CASP6: variants seen among roughly 807,000 people sequenced by gnomAD.
The protein encoded by CASP6 is caspase-6.
CASP6 carries 20 observed loss-of-function variants against 31.8 expected under a neutral mutation model. The observed-to-expected ratio is 0.63, with a 90% CI of 0.44 to 0.91. CASP6 has a LOEUF of 0.91. CASP6 is among the 40% of genes least tolerant of loss of function. The pLI is 0.00. For synonymous variants in CASP6, 130 were observed against 127.8 expected, an observed-to-expected ratio of 1.02 and a Z score of -0.12; for missense variants, 328 against 361.1, an observed-to-expected ratio of 0.91 and a Z score of 0.74.
chr4:109,697,792 A>T, intron 2 of CASP6, 24 bp from the exon 3 acceptor site: 3 of 1,610,764 alleles, frequency 1.9e-6, no homozygotes, highest in Non-Finnish European at 1.7e-6. Flanking sequence ...GTTGAAAAAC[A>T]ATCACTTCAA....
chr4:109,690,869 CAT>C lies in CASP6; in HGVS notation c.622_623del (p.Met208ValfsTer26). The C allele has an allele frequency of 1.2e-6, 2 of 1,611,710 alleles. No individual in the cohort carries two copies. Among genetic ancestry groups the C allele is most frequent in the Non-Finnish European group, 1.7e-6 (2 of 1,178,968 alleles). Reference sequence around the variant, plus strand: ...ACACACCTTCTGCAACAGAGTAACACATGAGGAAGTCAGCTCCAGCAGGCAGC... The same window carrying C: ...ACACACCTTCTGCAACAGAGTAACACGAGGAAGTCAGCTCCAGCAGGCAGC... ...YTLPAGADFL[M>X]CYSVAEGYYS... On this transcript the variant is annotated frameshift_variant, in exon 6 of 7. Coordinates refer to ENST00000265164, the MANE Select transcript of CASP6 (RefSeq NM_001226.4). LOFTEE classifies it high-confidence loss of function.
downstream of CASP6, among the ~76,000 whole-genome samples, chr4:109,686,289 C>T (rs1489483539): frequency 1.3e-5 from 2 of 152,076 alleles, no homozygotes; most frequent in Non-Finnish European, 2.9e-5. Context: ...TAGGCGCCCG[C>T]CACCACACCT....
chr4:109,677,914 A>G, the CASP6 span, among the ~76,000 whole-genome samples: 2 of 149,176 alleles, frequency 1.3e-5, no homozygotes, highest in African/African-American at 5.0e-5. Context: ...AGGTCAGCAG[A>G]TAAACACGTG....
At position 109,703,373 on chromosome 4, in the gene CASP6, C is replaced by A; in HGVS notation, c.23G>T (p.Arg8Leu). 6.2e-7 allele frequency: 1 copy of A among 1,611,160 alleles called. No individual in the cohort carries two copies. Among genetic ancestry groups the A allele is most frequent in the Non-Finnish European group, 8.5e-7 (1 of 1,179,022 alleles). MSSASGLRRGHPAGGEEN... is the reference protein window; with the variant it reads MSSASGLLRGHPAGGEEN... ...CTGCCTACCTGCCGGGTGCCCCCTG[C>A]GGAGCCCCGAGGCCGAGCTCATTGC... is the stretch of plus-strand genomic sequence containing the variant. The change falls in exon 1 of 7, where the codon CGC (arginine) becomes CTC (leucine). Residue 8 changes from arginine (R) to leucine (L), a missense_variant. Transcript: ENST00000265164.
downstream of CASP6, among the ~76,000 whole-genome samples, chr4:109,684,055 TTCC>T (rs1031688508): frequency 4.0e-5 from 6 of 149,608 alleles, no homozygotes; most frequent in Non-Finnish European, 7.4e-5. Flanking sequence ...TGTTCAAGAG[TTCC>T]TCTTTTCTTT....
the CASP6 span, among the ~76,000 whole-genome samples, chr4:109,677,123 A>G: frequency 6.6e-6 from 1 of 152,240 alleles, no homozygotes; most frequent in African/African-American, 2.4e-5. Context: ...TATGAATTCA[A>G]AGATTGTTCT....
chr4:109,702,473 C>T (rs1730451217), intron 1 of CASP6, among the ~76,000 whole-genome samples: 1 of 152,008 alleles, frequency 6.6e-6, no homozygotes, highest in South Asian at 2.1e-4. Flanking sequence ...TGCGCCCAGG[C>T]CTGGCTAATT....
the CASP6 span, among the ~76,000 whole-genome samples, chr4:109,677,255 G>T: frequency 6.6e-6 from 1 of 152,074 alleles, no homozygotes; most frequent in Non-Finnish European, 1.5e-5. Flanking sequence ...TACCTATCCA[G>T]CCATTGTATT....
chr4:109,694,971 T>C (rs563335402), intron 4 of CASP6, among the ~76,000 whole-genome samples: 2 of 152,260 alleles, frequency 1.3e-5, no homozygotes, highest in East Asian at 3.9e-4. Flanking sequence ...TAGCTGGGAT[T>C]ACAGATTTGA....
upstream of CASP6, among the ~76,000 whole-genome samples, chr4:109,707,944 C>T (rs1008126690): frequency 6.6e-6 from 1 of 152,096 alleles, no homozygotes; most frequent in African/African-American, 2.4e-5. Context: ...TTTGATGAAA[C>T]GGTGGCTTTA....
chr4:109,702,116 G>C (rs893420832), intron 1 of CASP6, among the ~76,000 whole-genome samples: 3 of 152,304 alleles, frequency 2.0e-5, no homozygotes, highest in African/African-American at 7.2e-5. Context: ...GAAGAGGAAG[G>C]GAGCAGGTGA....
chr4:109,671,750 GGTT>G, the CASP6 span, among the ~76,000 whole-genome samples: 5 of 152,116 alleles, frequency 3.3e-5, no homozygotes, highest in Admixed American at 6.5e-5. Context: ...TTCAAACTGT[GGTT>G]GTTGTTGTTT....
downstream of CASP6, chr4:109,688,458 A>G (rs371368069): frequency 6.6e-5 from 10 of 152,366 alleles, no homozygotes; most frequent in East Asian, 1.7e-3. Flanking sequence ...TCAGAATGCC[A>G]TACAACAATT....
chr4:109,680,445 G>A, the CASP6 span, among the ~76,000 whole-genome samples: 2 of 152,168 alleles, frequency 1.3e-5, no homozygotes, highest in East Asian at 1.9e-4. Flanking sequence ...TTCAGTTCAC[G>A]CTGGACCCTA....
chr4:109,684,631 T>G (rs373191930), downstream of CASP6: 6 of 1,497,092 alleles, frequency 4.0e-6, no homozygotes, highest in Non-Finnish European at 5.6e-6. Flanking sequence ...TTGCATACTT[T>G]ATAGTCACTC....
At chr4:109,684,382 T>C, downstream of CASP6, 2 of 1,379,672 alleles carry the variant, frequency 1.4e-6, no homozygotes, top group African/African-American at 1.4e-5. Flanking sequence ...TTCATCTTGC[T>C]TTTTGTCCCT....
upstream of CASP6, among the ~76,000 whole-genome samples, chr4:109,707,315 C>G (rs1382047143): frequency 1.3e-5 from 2 of 151,708 alleles, no homozygotes; most frequent in Non-Finnish European, 2.9e-5. Context: ...CTTTGTAGGA[C>G]TTGCAGTAAC....
chr4:109,684,962 C>T, downstream of CASP6: 1 of 389,012 alleles, frequency 2.6e-6, no homozygotes, highest in Non-Finnish European at 4.6e-6. Flanking sequence ...AGCTTTGCCT[C>T]ATGGTTATTT....
At chr4:109,703,708 G>A (rs947251636), upstream of CASP6, 1 of 478,008 alleles carries the variant, frequency 2.1e-6, no homozygotes, top group Non-Finnish European at 3.7e-6. Flanking sequence ...CCACCCGGGG[G>A]GACACACAGA....
Sources: allele counts gnomAD v4.1 joint callset (sites outside exome capture counted in the v4.1 genomes callset), GRCh38; gene constraint gnomAD v4.1.1; transcripts MANE v1.5; gene names NCBI Gene and HGNC (gene_info 2026-07-23, HGNC 2026-07-21).